CD163L1: variants seen among roughly 807,000 people sequenced by gnomAD.
The protein encoded by CD163L1 is CD163 molecule like 1, also known as scavenger receptor cysteine-rich type 1 protein M160.
Under a neutral mutation model 165.4 loss-of-function variants are expected in CD163L1, and 124 were observed. The ratio of observed to expected loss-of-function variants is 0.75; its 90% CI spans 0.65 to 0.87. The LOEUF is 0.87. Among genes scored for constraint, CD163L1 ranks in the 40% least tolerant of loss-of-function variants. The pLI, the probability that CD163L1 is intolerant of heterozygous loss-of-function variation, is 0.00. For missense variants in CD163L1, 1,525 were observed against 1,799.9 expected (o/e 0.85, Z 2.76); for synonymous variants, 585 against 662.2 (o/e 0.88, Z 1.79).
chr12:7,335,266 A>G, the CD163L1 span, among the ~76,000 whole-genome samples: 50 of 152,322 alleles, frequency 3.3e-4, no homozygotes, highest in African/African-American at 1.2e-3. Flanking sequence ...AGTAACCAAA[A>G]CAGCATGGTA....
intron 18 of CD163L1, among the ~76,000 whole-genome samples, chr12:7,365,154 G>C (rs1021397512): frequency 6.6e-6 from 1 of 151,938 alleles, no homozygotes; most frequent in African/African-American, 2.4e-5. Flanking sequence ...ATACACCAAG[G>C]ACATACATTG....
rs1255517024 is a variant in CD163L1 at position 7,368,920 on chromosome 12, C to G, written c.4072+13G>C. 2 of 1,613,128 alleles carry G rather than the reference C, an allele frequency of 1.2e-6. No homozygotes were observed. The highest frequency in any genetic ancestry group is 1.3e-5 in the African/African-American group (1 of 74,764). ...AGGTATTTGTGTCAGCACTGATAGG[C>G]AGAAGACTATACCTGAGGAGGCATT... On this transcript the variant is annotated intron_variant, in intron 16 of 19. Coordinates refer to ENST00000313599, the MANE Select transcript of CD163L1 (RefSeq NM_174941.6). This position sits in a 1 kb window ranked among gnomAD's most constrained non-coding sequence, Gnocchi z 4.3.
At chr12:7,337,017 C>T in the CD163L1 span, among the ~76,000 whole-genome samples, 1 of 152,140 alleles carries the variant, frequency 6.6e-6, no homozygotes, top group Non-Finnish European at 1.5e-5. Flanking sequence ...AATAACACCA[C>T]ACATCGAGAA....
chr12:7,417,917 T>C (rs1463574986), intron 4 of CD163L1, among the ~76,000 whole-genome samples: 1 of 151,834 alleles, frequency 6.6e-6, no homozygotes, highest in Non-Finnish European at 1.5e-5. Flanking sequence ...ATTAACAAAA[T>C]AGCATCAATA....
rs201057330 is a variant in CD163L1 at position 7,369,418 on chromosome 12, G to A, written c.3978C>T (p.His1326=). The part of the protein sequence containing the change: ...KGNESFLWDC[H]AKPWGQSDCG... ...AGTCACTCTGTCCCCAGGGTTTGGCGTGACAGTCCCATAGAAATGACTCAT... is the reference window on the plus strand; with the variant it reads ...AGTCACTCTGTCCCCAGGGTTTGGCATGACAGTCCCATAGAAATGACTCAT... The change falls in exon 15 of 20, where the codon CAC becomes CAT. Residue 1326 remains histidine (H), a synonymous_variant. Coordinates refer to ENST00000313599, the MANE Select transcript of CD163L1 (RefSeq NM_174941.6). The surrounding 1 kb of genome is among the most constrained non-coding windows in gnomAD (Gnocchi z 4.9). The A allele has an allele frequency of 4.1e-5, 66 of 1,613,964 alleles. No individual in the cohort carries two copies. Among genetic ancestry groups the A allele is most frequent in the Non-Finnish European group, 5.0e-5 (59 of 1,180,010 alleles).
chr12:7,395,994 C>A (rs1314370331), intron 8 of CD163L1, 101 bp downstream of exon 8: 1 of 853,526 alleles, frequency 1.2e-6, no homozygotes, highest in Non-Finnish European at 1.8e-6. Context: ...AAAAAGTGAG[C>A]AATGAGCACT....
intron 4 of CD163L1, among the ~76,000 whole-genome samples, chr12:7,429,586 A>G (rs1401271533): frequency 6.6e-6 from 1 of 152,074 alleles, no homozygotes; most frequent in African/African-American, 2.4e-5. Flanking sequence ...GAAATTTGGG[A>G]AAAATTCTTA....
In CD163L1 at chr12:7,362,975, A is replaced by T. The variant is rs78367640; in HGVS notation, c.4279+4261T>A. Among the ~76,000 whole-genome samples, 727 of 152,016 alleles carry T rather than the reference A, an allele frequency of 4.8e-3. 4 individuals are homozygous for T. Among genetic ancestry groups the T allele is most frequent in the African/African-American group, 0.017 (694 of 41,502 alleles). Reference sequence around the variant, plus strand: ...AATTAAGAAAATTAAGAGATTTTTTAAAAAAATGGAAATGAAAACACAACA... The same window carrying T: ...AATTAAGAAAATTAAGAGATTTTTTTAAAAAATGGAAATGAAAACACAACA... On this transcript the variant is annotated intron_variant, in intron 18 of 19. Coordinates refer to ENST00000313599, the MANE Select transcript of CD163L1 (RefSeq NM_174941.6).
At chr12:7,339,146 C>T in the CD163L1 span, among the ~76,000 whole-genome samples, 2 of 152,074 alleles carry the variant, frequency 1.3e-5, no homozygotes, top group Non-Finnish European at 2.9e-5. Context: ...CTCCAAGGCT[C>T]AATGACCCTG....
At chr12:7,329,334 T>TA in the CD163L1 span, among the ~76,000 whole-genome samples, 1 of 140,208 alleles carries the variant, frequency 7.1e-6, no homozygotes, top group Non-Finnish European at 1.5e-5. Flanking sequence ...GTACCATATT[T>TA]AATTTTTTTT....
chr12:7,350,027 T>C (rs1946696968), downstream of CD163L1, among the ~76,000 whole-genome samples: 4 of 152,196 alleles, frequency 2.6e-5, no homozygotes, highest in African/African-American at 9.6e-5. Context: ...AATATTTCCC[T>C]TCTCTTCTCT....
the CD163L1 span, among the ~76,000 whole-genome samples, chr12:7,333,052 C>T: frequency 2.9e-3 from 447 of 151,904 alleles, 4 homozygotes; most frequent in South Asian, 0.01. Context: ...TCACCTGAAA[C>T]CCATCTCACC....
At chr12:7,419,044 T>C (rs771175383) in intron 4 of CD163L1, among the ~76,000 whole-genome samples, 1 of 151,942 alleles carries the variant, frequency 6.6e-6, no homozygotes, top group African/African-American at 2.4e-5. Flanking sequence ...ATCACCCTAA[T>C]ACCAAAACCA....
intron 4 of CD163L1, among the ~76,000 whole-genome samples, chr12:7,419,944 TA>T (rs932426660): frequency 7.9e-5 from 12 of 151,796 alleles, no homozygotes; most frequent in African/African-American, 2.9e-4. Flanking sequence ...AGGTATCACA[TA>T]ACTTCACTTC....
In CD163L1 at chr12:7,398,515, T is replaced by C; in HGVS notation, c.1478A>G (p.Tyr493Cys). ...ACACACAGTCCCCCACTCTCCTTGG[T>C]ATTTCACCTCCAATCTCCCATAACA... ...SPCYGRLEVK[Y>C]QGEWGTVCHD... The change falls in exon 7 of 20, where the codon TAC becomes TGC. Residue 493 changes from tyrosine (Y) to cysteine (C), a missense_variant. By Grantham distance (194) the Tyr-to-Cys change is radical. Coordinates refer to ENST00000313599, the MANE Select transcript of CD163L1 (RefSeq NM_174941.6). This position sits in a 1 kb window ranked among gnomAD's most constrained non-coding sequence, Gnocchi z 4.5. 1 of 1,613,572 alleles carries C rather than the reference T, an allele frequency of 6.2e-7. No individual in the cohort carries two copies. Among genetic ancestry groups the C allele is most frequent in the Non-Finnish European group, 8.5e-7 (1 of 1,179,692 alleles).
chr12:7,322,073 C>T, the CD163L1 span, among the ~76,000 whole-genome samples: 11 of 152,262 alleles, frequency 7.2e-5, no homozygotes, highest in Non-Finnish European at 1.5e-4. Context: ...TACAACATAG[C>T]GACTGATCAA....
chr12:7,348,780 G>T (rs1458897204), intron 4 of CD163L1, among the ~76,000 whole-genome samples: 1 of 150,714 alleles, frequency 6.6e-6, no homozygotes, highest in African/African-American at 2.4e-5. Flanking sequence ...AAAGCTGGAA[G>T]GCCCTCACAA....
intron 4 of CD163L1, among the ~76,000 whole-genome samples, chr12:7,410,989 T>C (rs1948129556): frequency 1.3e-5 from 2 of 151,002 alleles, no homozygotes; most frequent in Admixed American, 1.3e-4. Context: ...AAGCACATAA[T>C]GGTAAAATAG....
intron 1 of CD163L1, among the ~76,000 whole-genome samples, chr12:7,442,382 C>T (rs1948842523): frequency 6.6e-6 from 1 of 152,206 alleles, no homozygotes; most frequent in African/African-American, 2.4e-5. Context: ...AAGGCGCAAC[C>T]TGCTTTGGTG....
Sources: allele counts gnomAD v4.1 joint callset (sites outside exome capture counted in the v4.1 genomes callset), GRCh38; gene constraint gnomAD v4.1.1; non-coding constraint Gnocchi (gnomAD v3.1); transcripts MANE v1.5; gene names NCBI Gene and HGNC (gene_info 2026-07-23, HGNC 2026-07-21).